PTPRM: variants seen among roughly 807,000 people sequenced by gnomAD.
PTPRM encodes receptor-type tyrosine-protein phosphatase mu.
Under a neutral mutation model 186.7 loss-of-function variants are expected in PTPRM, and 47 were observed. The observed-to-expected ratio is 0.25, with a 90% CI of 0.20 to 0.32. The LOEUF is 0.32. Among genes scored for constraint, PTPRM ranks in the 10% least tolerant of loss-of-function variants. The pLI, the probability that PTPRM is intolerant of heterozygous loss-of-function variation, is 1.00. For missense variants in PTPRM, 1,494 were observed against 1,865.0 expected, an observed-to-expected ratio of 0.80 and a Z score of 3.66; for synonymous variants, 668 against 674.9, an observed-to-expected ratio of 0.99 and a Z score of 0.16.
intron 16 of PTPRM, 65 bp downstream of exon 16, chr18:8,247,984 T>C: frequency 7.0e-7 from 1 of 1,429,122 alleles, no homozygotes; most frequent in East Asian, 2.3e-5. Context: ...CTCCGCCCTC[T>C]CTCTGCTATC....
At chr18:7,826,257 C>G (rs1172820874) in intron 2 of PTPRM, among the ~76,000 whole-genome samples, 1 of 152,212 alleles carries the variant, frequency 6.6e-6, no homozygotes, top group East Asian at 1.9e-4. Context: ...TTTCATAAAA[C>G]TTATATATGA....
intron 22 of PTPRM, among the ~76,000 whole-genome samples, chr18:8,322,426 A>T (rs151324292): frequency 3.9e-5 from 6 of 152,232 alleles, no homozygotes; most frequent in African/African-American, 1.4e-4. Flanking sequence ...CCTTGGTTTA[A>T]TTGTCTTCTG....
chr18:7,679,327 C>T (rs2039424267), intron 1 of PTPRM, among the ~76,000 whole-genome samples: 1 of 151,932 alleles, frequency 6.6e-6, no homozygotes, highest in South Asian at 2.1e-4. Context: ...AGGTTTGGTT[C>T]CTAGGTATGG....
intron 7 of PTPRM, among the ~76,000 whole-genome samples, chr18:7,973,965 G>T (rs1447568636): frequency 2.7e-5 from 4 of 147,746 alleles, no homozygotes; most frequent in Non-Finnish European, 5.9e-5. Context: ...TGAGATTCTG[G>T]TAAAAAAAAA....
intron 1 of PTPRM, among the ~76,000 whole-genome samples, chr18:7,633,353 T>G (rs1173082185): frequency 2.6e-5 from 4 of 152,204 alleles, no homozygotes; most frequent in Non-Finnish European, 5.9e-5. Flanking sequence ...GTCACCATGT[T>G]TTTGCTCTTC....
intron 14 of PTPRM, among the ~76,000 whole-genome samples, chr18:8,197,034 G>C (rs2093788022): frequency 6.6e-6 from 1 of 152,182 alleles, no homozygotes; most frequent in South Asian, 2.1e-4. Flanking sequence ...CTTATTTCAA[G>C]CACTTCAAGG....
At chr18:7,926,417 T>C in intron 4 of PTPRM, 151 bp from the exon 5 acceptor site, 1 of 477,406 alleles carries the variant, frequency 2.1e-6, no homozygotes, top group East Asian at 3.3e-5. Context: ...AAAATTATAG[T>C]TAAATCTTTA....
At chr18:7,596,016 G>T (rs2037248918) in intron 1 of PTPRM, among the ~76,000 whole-genome samples, 1 of 152,182 alleles carries the variant, frequency 6.6e-6, no homozygotes, top group Non-Finnish European at 1.5e-5. Flanking sequence ...AAAAGTATTG[G>T]TAAGGTGTTT....
chr18:7,944,089 G>T (rs1386124513), intron 5 of PTPRM, among the ~76,000 whole-genome samples: 1 of 152,146 alleles, frequency 6.6e-6, no homozygotes, highest in African/African-American at 2.4e-5. Context: ...TGGGGTTTAA[G>T]CCTGTTAATT....
chr18:8,269,423 A>C (rs1004141280), intron 19 of PTPRM, among the ~76,000 whole-genome samples: 5 of 152,032 alleles, frequency 3.3e-5, no homozygotes, highest in Non-Finnish European at 4.4e-5. Context: ...ACCCATGTTC[A>C]TGGATTGGAA....
At chr18:7,985,298 T>C (rs1279102035) in intron 7 of PTPRM, among the ~76,000 whole-genome samples, 1 of 103,832 alleles carries the variant, frequency 9.6e-6, no homozygotes, top group East Asian at 2.3e-4. Context: ...AATATATACA[T>C]ATAATAGTAT....
At chr18:8,311,790 A>G (rs2095270548) in intron 20 of PTPRM, among the ~76,000 whole-genome samples, 1 of 152,030 alleles carries the variant, frequency 6.6e-6, no homozygotes, top group African/African-American at 2.4e-5. Flanking sequence ...TGATGGTAAA[A>G]CTCTACTTCA....
rs1028014319 is a variant in PTPRM, at chr18:7,575,315, C to G, written c.73+7424C>G. The stretch of plus-strand genomic sequence containing the variant: ...GCTGATCACTAGGTGTAGCTGCGTC[C>G]CTTAACCCCCCTGCCTGAGCCAAGC... On this transcript the variant is annotated intron_variant, in intron 1 of 32. Coordinates refer to ENST00000580170, the MANE Select transcript of PTPRM (RefSeq NM_001105244.2). Among the ~76,000 whole-genome samples, 3 of 152,186 alleles carry G rather than the reference C, an allele frequency of 2.0e-5. No individual in the cohort carries two copies. In the East Asian group the frequency reaches 5.8e-4, roughly 29 times the overall value.
At chr18:7,777,357 A>G (rs1490755296) in intron 2 of PTPRM, among the ~76,000 whole-genome samples, 1 of 152,216 alleles carries the variant, frequency 6.6e-6, no homozygotes, top group East Asian at 1.9e-4. Context: ...AAAAAGAATA[A>G]TAAAATTTTG....
chr18:8,081,325 G>T (rs1444612724), intron 9 of PTPRM, among the ~76,000 whole-genome samples: 1 of 152,160 alleles, frequency 6.6e-6, no homozygotes, highest in Non-Finnish European at 1.5e-5. Context: ...ATGATGTTGA[G>T]ATCTCAGTTT....
At chr18:8,111,998 T>C (rs1414870913) in intron 11 of PTPRM, among the ~76,000 whole-genome samples, 2 of 152,224 alleles carry the variant, frequency 1.3e-5, no homozygotes, top group East Asian at 3.9e-4. Context: ...TAGTATTTAG[T>C]CTTCCACTTT....
In PTPRM at chr18:8,186,257, C is replaced by T. The variant is rs1021262489; in HGVS notation, c.2300+42478C>T. The stretch of plus-strand genomic sequence containing the variant: ...AGGAGAATCACTAGAACCTGGAAGG[C>T]GAAGGTTGCAGTGAGCGGAGATCGT... On this transcript the variant is annotated intron_variant, in intron 14 of 32. Coordinates refer to ENST00000580170, the MANE Select transcript of PTPRM (RefSeq NM_001105244.2). 2.3e-4 allele frequency among the ~76,000 whole-genome samples: 33 copies of T among 144,382 alleles called. 1 individual carries two copies. The highest frequency in any genetic ancestry group is 7.2e-4 in the African/African-American group (28 of 38,698). The allele number at this position is 144,382 out of a possible 152,430, so 94.7% of individuals were successfully genotyped here. A position where few individuals can be genotyped will look rare whatever the true frequency, so the allele number is the denominator to read the frequency against.
chr18:8,021,897 C>A (rs2085259684), intron 7 of PTPRM, among the ~76,000 whole-genome samples: 1 of 152,062 alleles, frequency 6.6e-6, no homozygotes, highest in Non-Finnish European at 1.5e-5. Context: ...TTTGTTCTAA[C>A]ATCTCAGTAA....
In PTPRM at chr18:7,950,205, G is replaced by T. The variant is rs557103120; in HGVS notation, c.838+850G>T. On this transcript the variant is annotated intron_variant, in intron 6 of 32. Transcript: ENST00000580170. ...AGGCCAGAAGTTCCAGACCAGCCTG[G>T]GCAACATATTGAGACTCCACCTCTA... Among the ~76,000 whole-genome samples the T allele has an allele frequency of 9.9e-5, 15 of 152,198 alleles. No homozygotes were observed. In the East Asian group the frequency reaches 2.7e-3, roughly 27 times the overall value.
Sources: gnomAD v4.1 joint callset for allele counts (sites outside exome capture counted in the v4.1 genomes callset) on GRCh38, gnomAD v4.1.1 for gene constraint, MANE v1.5 for transcripts, NCBI Gene and HGNC (gene_info 2026-07-23, HGNC 2026-07-21) for gene names.